Variants in NMNAT3 observed in about 807,000 individuals in gnomAD.
The protein encoded by NMNAT3 is nicotinamide nucleotide adenylyltransferase 3.
In NMNAT3, 21 loss-of-function variants were observed where a neutral mutation model predicts 24.8. The ratio of observed to expected loss-of-function variants is 0.85; its 90% CI spans 0.60 to 1.22. The LOEUF (loss-of-function observed/expected upper bound fraction) is 1.22, where lower values mean the gene tolerates loss of function less well. Ranked by LOEUF, NMNAT3 falls within the 50% of genes most tolerant of loss-of-function variation. NMNAT3 has a pLI of 0.00. For synonymous variants in NMNAT3, 136 were observed against 155.2 expected (o/e 0.88, Z 0.92); for missense variants, 387 against 436.6 (o/e 0.89, Z 1.01).
intron 3 of NMNAT3, among the ~76,000 whole-genome samples, chr3:139,618,909 A>G (rs1199051321): frequency 6.6e-6 from 1 of 152,138 alleles, no homozygotes; most frequent in African/African-American, 2.4e-5. Flanking sequence ...TATCAACCTC[A>G]TCTCTATGCC....
intron 1 of NMNAT3, among the ~76,000 whole-genome samples, chr3:139,671,575 CACA>C (rs909760786): frequency 1.3e-5 from 2 of 152,002 alleles, no homozygotes; most frequent in African/African-American, 4.8e-5. Flanking sequence ...ACTTACAAAA[CACA>C]ACATGAGTAA....
intron 6 of NMNAT3, chr3:139,566,326 G>A (rs1186792215): frequency 1.3e-5 from 2 of 152,082 alleles, no homozygotes; most frequent in Non-Finnish European, 2.9e-5. Context: ...TGTTCACTCT[G>A]ATGGTAGTTT....
At chr3:139,643,614 TA>T (rs1285209192) in intron 1 of NMNAT3, among the ~76,000 whole-genome samples, 1 of 152,116 alleles carries the variant, frequency 6.6e-6, no homozygotes, top group East Asian at 1.9e-4. Context: ...TCATGCTAAG[TA>T]AAAATAAGCC....
At chr3:139,583,441 C>G in intron 3 of NMNAT3, 2 of 1,597,806 alleles carry the variant, frequency 1.3e-6, no homozygotes, top group South Asian at 2.2e-5. Flanking sequence ...TCCCACTTTG[C>G]TGAGCTTTTT....
intron 3 of NMNAT3, among the ~76,000 whole-genome samples, chr3:139,592,831 G>A (rs2054261514): frequency 6.6e-6 from 1 of 152,044 alleles, no homozygotes; most frequent in Non-Finnish European, 1.5e-5. Context: ...ACTAAACATG[G>A]AAAGGAACAA....
intron 3 of NMNAT3, among the ~76,000 whole-genome samples, chr3:139,595,694 A>G (rs2054419309): frequency 6.6e-6 from 1 of 151,136 alleles, no homozygotes; most frequent in Admixed American, 6.6e-5. Flanking sequence ...AAACCTGAGA[A>G]AAACAAGCAA....
At chr3:139,581,247 CA>C (rs1405691979) in intron 4 of NMNAT3, among the ~76,000 whole-genome samples, 1 of 152,060 alleles carries the variant, frequency 6.6e-6, no homozygotes, top group Non-Finnish European at 1.5e-5. Context: ...GGGGAAGCTA[CA>C]AGAGGTATTT....
intron 3 of NMNAT3, among the ~76,000 whole-genome samples, chr3:139,592,397 A>G (rs902499055): frequency 1.3e-4 from 20 of 152,344 alleles, no homozygotes; most frequent in African/African-American, 4.8e-4. Context: ...AACACTCTGC[A>G]GGATATTATC....
intron 3 of NMNAT3, among the ~76,000 whole-genome samples, chr3:139,622,818 A>G (rs2055859015): frequency 7.2e-6 from 1 of 138,238 alleles, no homozygotes; most frequent in Non-Finnish European, 1.5e-5. Flanking sequence ...TATAAAATGT[A>G]TATATGATAT....
Position 139,561,013 on chromosome 3 carries a change from G to C in NMNAT3, c.1038C>G (p.Ser346Arg), listed in dbSNP as rs974556467. Reference sequence around the variant, plus strand: ...GTGGGTGCTGAGTCCCCCCTCCCTAGCTTGTCTTGCCCTCAGTGCTCTGGG... The same window carrying C: ...GTGGGTGCTGAGTCCCCCCTCCCTACCTTGTCTTGCCCTCAGTGCTCTGGG... The change falls in exon 7 of 7, where the codon AGC (serine) becomes AGG (arginine). Residue 346 changes from serine (S) to arginine (R), a missense_variant. Transcript: ENST00000643695. The C allele has an allele frequency of 5.0e-6, 8 of 1,609,484 alleles. No individual in the cohort carries two copies. The highest frequency in any genetic ancestry group is 4.2e-6 in the Non-Finnish European group (5 of 1,177,130).
chr3:139,628,497 C>T (rs2056152893), intron 2 of NMNAT3, among the ~76,000 whole-genome samples: 1 of 152,188 alleles, frequency 6.6e-6, no homozygotes, highest in South Asian at 2.1e-4. Flanking sequence ...AATCAGGAAA[C>T]CAACATTGTT....
intron 1 of NMNAT3, among the ~76,000 whole-genome samples, chr3:139,655,251 A>G (rs1028037115): frequency 6.6e-6 from 1 of 152,142 alleles, no homozygotes; most frequent in Admixed American, 6.5e-5. Context: ...GACAAGGTCA[A>G]ACTTGATCCT....
At chr3:139,658,403 A>T (rs572750613) in intron 1 of NMNAT3, among the ~76,000 whole-genome samples, 7 of 152,210 alleles carry the variant, frequency 4.6e-5, no homozygotes, top group Admixed American at 1.3e-4. Context: ...TGCCCATTTG[A>T]CTTCTGTGAG....
chr3:139,675,679 C>T (rs73220987), intron 1 of NMNAT3, among the ~76,000 whole-genome samples: 4,381 of 152,248 alleles, frequency 0.029, 82 homozygotes, highest in Middle Eastern at 0.082. Context: ...ATCCCTCTCC[C>T]GCCTCTGCCC....
intron 3 of NMNAT3, among the ~76,000 whole-genome samples, chr3:139,611,894 G>A (rs910160159): frequency 2.6e-5 from 4 of 152,216 alleles, no homozygotes; most frequent in African/African-American, 7.2e-5. Context: ...GGGGCTGGAC[G>A]TGGTTGCTTA....
At chr3:139,633,347 AT>A (rs1345653290) in intron 2 of NMNAT3, among the ~76,000 whole-genome samples, 1 of 151,922 alleles carries the variant, frequency 6.6e-6, no homozygotes, top group East Asian at 2.0e-4. Flanking sequence ...TGCCCTGCTA[AT>A]TTTGTATTTT....
chr3:139,669,349 C>T (rs1016706818), intron 1 of NMNAT3, among the ~76,000 whole-genome samples: 2 of 151,808 alleles, frequency 1.3e-5, no homozygotes, highest in Admixed American at 1.3e-4. Context: ...GTGGTGCATG[C>T]CTGTAGTCCC....
At chr3:139,647,159 G>A (rs928700206) in intron 1 of NMNAT3, among the ~76,000 whole-genome samples, 8 of 152,176 alleles carry the variant, frequency 5.3e-5, no homozygotes, top group Admixed American at 1.3e-4. Context: ...AGATGGGCAC[G>A]TTTGTAATTT....
chr3:139,579,686 G>A (rs1467024587), intron 4 of NMNAT3, among the ~76,000 whole-genome samples: 2 of 152,134 alleles, frequency 1.3e-5, no homozygotes, highest in African/African-American at 2.4e-5. Flanking sequence ...AACCACATGG[G>A]ATTCATCTGG....
Sources: gnomAD v4.1 joint callset for allele counts (sites outside exome capture counted in the v4.1 genomes callset) on GRCh38, gnomAD v4.1.1 for gene constraint, MANE v1.5 for transcripts, NCBI Gene and HGNC (gene_info 2026-07-23, HGNC 2026-07-21) for gene names.